The following PARD3B variants were observed in gnomAD, a reference collection of about 807,000 sequenced individuals.
The protein encoded by PARD3B is par-3 family cell polarity regulator beta, also known as partitioning defective 3 homolog B.
A neutral mutation model predicts 130.2 loss-of-function variants in PARD3B; 103 were observed. That is an observed-to-expected ratio of 0.79 (90% CI 0.67 to 0.93). The LOEUF (loss-of-function observed/expected upper bound fraction) is 0.93. PARD3B is among the 40% of genes least tolerant of loss of function. PARD3B has a pLI of 0.00. For missense variants in PARD3B, 1,609 were observed against 1,499.2 expected (o/e 1.07, Z -1.21); for synonymous variants, 583 against 553.2 (o/e 1.05, Z -0.76).
chr2:205,453,878 C>G lies in PARD3B; in HGVS notation c.3044+13206C>G, dbSNP rs187538062. On this transcript the variant is annotated intron_variant, in intron 20 of 22. Transcript: ENST00000406610. ...TATAGCTGAGTATTGGCACATGATG[C>G]AAAATGCATTTCTCAGAGTAGATTG... is the stretch of plus-strand genomic sequence containing the variant. Among the ~76,000 whole-genome samples, 353 of 152,228 alleles carry G rather than the reference C, an allele frequency of 2.3e-3. 1 individual carries two copies. Among genetic ancestry groups the G allele is most frequent in the Middle Eastern group, 0.014 (4 of 294 alleles).
intron 3 of PARD3B, among the ~76,000 whole-genome samples, chr2:205,017,232 A>G (rs976638159): frequency 2.0e-5 from 3 of 152,190 alleles, no homozygotes; most frequent in Admixed American, 1.3e-4. Context: ...GACCAGTGCC[A>G]TAACACAGAA....
At chr2:204,975,623 T>G (rs2125190295) in intron 3 of PARD3B, among the ~76,000 whole-genome samples, 1 of 152,350 alleles carries the variant, frequency 6.6e-6, no homozygotes, top group Non-Finnish European at 1.5e-5. Context: ...ACTGTGTAAA[T>G]TACTGATTGG....
chr2:205,516,223 T>A (rs1346626132), intron 21 of PARD3B, among the ~76,000 whole-genome samples: 4 of 152,162 alleles, frequency 2.6e-5, no homozygotes, highest in Non-Finnish European at 5.9e-5. Flanking sequence ...TGAAGTTAGG[T>A]AACATGATAC....
At chr2:205,602,826 AT>A (rs903530106) in intron 22 of PARD3B, among the ~76,000 whole-genome samples, 3 of 151,762 alleles carry the variant, frequency 2.0e-5, no homozygotes, top group Admixed American at 6.6e-5. Flanking sequence ...GGATTCATTG[AT>A]TTTTTTTGAA....
At chr2:205,322,522 G>C (rs2042785837) in intron 18 of PARD3B, among the ~76,000 whole-genome samples, 1 of 152,184 alleles carries the variant, frequency 6.6e-6, no homozygotes, top group Non-Finnish European at 1.5e-5. Context: ...TAGTATCCAT[G>C]TGTGTTCCTC....
chr2:205,163,157 A>G (rs868567814), intron 11 of PARD3B, among the ~76,000 whole-genome samples: 1 of 152,182 alleles, frequency 6.6e-6, no homozygotes, highest in Non-Finnish European at 1.5e-5. Context: ...TTTTGACTTC[A>G]CTATGCTGAC....
At chr2:205,559,321 T>A (rs1181199272) in intron 22 of PARD3B, among the ~76,000 whole-genome samples, 1 of 151,990 alleles carries the variant, frequency 6.6e-6, no homozygotes, top group Non-Finnish European at 1.5e-5. Flanking sequence ...AATTTTGCAT[T>A]TTTTTGTAAA....
intron 1 of PARD3B, 63 bp downstream of exon 1, chr2:204,546,182 G>T (rs777414170): frequency 6.5e-7 from 1 of 1,545,040 alleles, no homozygotes; most frequent in Non-Finnish European, 8.7e-7. Context: ...GTGCGACCCG[G>T]TGGCGACACT....
intron 2 of PARD3B, among the ~76,000 whole-genome samples, chr2:204,953,478 G>A (rs1689987682): frequency 6.7e-6 from 1 of 150,188 alleles, no homozygotes; most frequent in East Asian, 2.0e-4. Context: ...AGGCTGGAGG[G>A]AAAGCACCAG....
chr2:205,479,872 G>C (rs954732999), intron 20 of PARD3B, among the ~76,000 whole-genome samples: 3 of 150,280 alleles, frequency 2.0e-5, no homozygotes, highest in African/African-American at 4.9e-5. Flanking sequence ...TGTTCCATGA[G>C]CATTAAGCTC....
intron 2 of PARD3B, among the ~76,000 whole-genome samples, chr2:204,749,500 A>T (rs2125383709): frequency 6.6e-6 from 1 of 152,308 alleles, no homozygotes; most frequent in African/African-American, 2.4e-5. Flanking sequence ...GTGGTTTACC[A>T]GTTTCTCCCA....
Position 205,284,139 on chromosome 2 carries a change from C to T in PARD3B, c.2186-16391C>T, listed in dbSNP as rs549317972. Among the ~76,000 whole-genome samples, 56 of 152,232 alleles carry T rather than the reference C, an allele frequency of 3.7e-4. No homozygotes were observed. In the East Asian group the frequency reaches 0.01, roughly 28 times the overall value. ...TTAGTCACATATAAACTGCACAAAG[C>T]GAACAAAGGGGAAAAAAATTATTTC... On this transcript the variant is annotated intron_variant, in intron 16 of 22. Transcript: ENST00000406610.
chr2:204,796,761 G>A (rs1312794271), intron 2 of PARD3B, among the ~76,000 whole-genome samples: 3 of 152,122 alleles, frequency 2.0e-5, no homozygotes, highest in African/African-American at 7.2e-5. Context: ...GCATACTTAC[G>A]TCGTTGGTTT....
At chr2:204,665,947 G>A (rs2125193889) in intron 1 of PARD3B, among the ~76,000 whole-genome samples, 1 of 152,314 alleles carries the variant, frequency 6.6e-6, no homozygotes, top group Non-Finnish European at 1.5e-5. Context: ...TTTATGGAAT[G>A]ATGAATGAGT....
At chr2:205,428,225 A>C (rs953435182) in intron 19 of PARD3B, among the ~76,000 whole-genome samples, 1 of 152,126 alleles carries the variant, frequency 6.6e-6, no homozygotes, top group African/African-American at 2.4e-5. Flanking sequence ...CTCTACAAAA[A>C]ATTACGAAAA....
intron 4 of PARD3B, among the ~76,000 whole-genome samples, chr2:205,057,536 T>C (rs1321732842): frequency 6.8e-6 from 1 of 146,612 alleles, no homozygotes; most frequent in African/African-American, 2.5e-5. Context: ...TATATACATA[T>C]ATGTATATGT....
At chr2:205,375,482 C>T (rs1027897522) in intron 18 of PARD3B, among the ~76,000 whole-genome samples, 1 of 152,150 alleles carries the variant, frequency 6.6e-6, no homozygotes, top group Non-Finnish European at 1.5e-5. Context: ...GACCTTTCAG[C>T]AAGGTTTAAA....
chr2:205,433,616 T>C (rs1484822560), intron 19 of PARD3B, among the ~76,000 whole-genome samples: 1 of 152,042 alleles, frequency 6.6e-6, no homozygotes, highest in Non-Finnish European at 1.5e-5. Flanking sequence ...AGAGTAATAT[T>C]CTCTTTTCTC....
chr2:205,005,924 A>C (rs1444648596), intron 3 of PARD3B, among the ~76,000 whole-genome samples: 1 of 152,196 alleles, frequency 6.6e-6, no homozygotes, highest in African/African-American at 2.4e-5. Context: ...AGCAGTGTAC[A>C]CTGCACTCAA....
Sources: allele counts gnomAD v4.1 joint callset (sites outside exome capture counted in the v4.1 genomes callset), GRCh38; gene constraint gnomAD v4.1.1; transcripts MANE v1.5; gene names NCBI Gene and HGNC (gene_info 2026-07-23, HGNC 2026-07-21).